NELL2: variants seen among roughly 807,000 people sequenced by gnomAD.
NELL2 encodes the protein neural EGFL like 2.
A neutral mutation model predicts 109.6 loss-of-function variants in NELL2; 41 were observed. The observed-to-expected ratio is 0.37, with a 90% confidence interval of 0.29 to 0.49. The LOEUF (loss-of-function observed/expected upper bound fraction) is 0.49, where lower values mean the gene tolerates loss of function less well. Ranked by LOEUF, NELL2 falls within the 20% of genes least tolerant of loss-of-function variation. NELL2 has a pLI of 0.98. For missense variants in NELL2, 900 were observed against 1,008.3 expected (o/e 0.89, Z 1.45); for synonymous variants, 355 against 344.7 (o/e 1.03, Z -0.33).
At chr12:44,753,619 A>G (rs1006868325) in intron 9 of NELL2, among the ~76,000 whole-genome samples, 6 of 152,186 alleles carry the variant, frequency 3.9e-5, no homozygotes, top group Non-Finnish European at 8.8e-5. Context: ...TATTTTTAAT[A>G]CTTTGTTTCA....
chr12:44,867,503 A>G (rs1945035024), intron 2 of NELL2, among the ~76,000 whole-genome samples: 2 of 152,240 alleles, frequency 1.3e-5, no homozygotes, highest in African/African-American at 4.8e-5. Flanking sequence ...AGATATAACA[A>G]ATCTACAGCT....
At chr12:44,704,603 C>T (rs1937752831) in intron 11 of NELL2, among the ~76,000 whole-genome samples, 1 of 152,122 alleles carries the variant, frequency 6.6e-6, no homozygotes, top group African/African-American at 2.4e-5. Context: ...ATCTTCAAAA[C>T]TGGAATCTAT....
intron 1 of NELL2, among the ~76,000 whole-genome samples, chr12:44,897,934 G>C (rs1372652604): frequency 6.6e-6 from 1 of 152,172 alleles, no homozygotes; most frequent in African/African-American, 2.4e-5. Flanking sequence ...GGTGTGGGGA[G>C]GGGCATCCGC....
intron 9 of NELL2, among the ~76,000 whole-genome samples, chr12:44,715,391 T>C (rs1938431649): frequency 1.3e-5 from 2 of 151,378 alleles, no homozygotes; most frequent in African/African-American, 4.9e-5. Context: ...TCCATAAAAA[T>C]GCATAGAGTA....
chr12:44,542,866 G>T (rs1200467629), intron 15 of NELL2, among the ~76,000 whole-genome samples: 1 of 152,144 alleles, frequency 6.6e-6, no homozygotes, highest in Non-Finnish European at 1.5e-5. Context: ...AGTTATGTAG[G>T]TGTACACTGG....
chr12:44,644,854 T>C (rs1947033442), intron 13 of NELL2, among the ~76,000 whole-genome samples: 1 of 151,632 alleles, frequency 6.6e-6, no homozygotes, highest in South Asian at 2.1e-4. Context: ...GACATTATCC[T>C]TGTTTTGTGG....
intron 3 of NELL2, among the ~76,000 whole-genome samples, chr12:44,796,753 T>A (rs936302150): frequency 3.3e-5 from 5 of 152,174 alleles, no homozygotes; most frequent in African/African-American, 4.8e-5. Flanking sequence ...CAAAATTGTA[T>A]CACCAAGAGA....
At chr12:44,616,477 G>A (rs571932846) in intron 13 of NELL2, among the ~76,000 whole-genome samples, 21 of 152,124 alleles carry the variant, frequency 1.4e-4, no homozygotes, top group South Asian at 1.2e-3. Flanking sequence ...ACCTCTAGTC[G>A]TAACTATCAT....
intron 2 of NELL2, among the ~76,000 whole-genome samples, chr12:44,865,468 G>A (rs1348129019): frequency 1.1e-5 from 1 of 94,156 alleles, no homozygotes; most frequent in Non-Finnish European, 2.2e-5. Flanking sequence ...ATACACCATG[G>A]AATACTATGC....
intron 15 of NELL2, among the ~76,000 whole-genome samples, chr12:44,536,977 ACAAAC>A (rs2094273232): frequency 6.6e-6 from 1 of 151,576 alleles, no homozygotes; most frequent in Non-Finnish European, 1.5e-5. Context: ...ATCATTAAAA[ACAAAC>A]CAACAGGCAA....
At chr12:44,844,270 G>A (rs1944308268) in intron 2 of NELL2, among the ~76,000 whole-genome samples, 2 of 152,072 alleles carry the variant, frequency 1.3e-5, no homozygotes, top group Non-Finnish European at 2.9e-5. Context: ...TCAAACAATA[G>A]CAAATTGGAA....
intron 2 of NELL2, among the ~76,000 whole-genome samples, chr12:44,828,840 T>G (rs1404917795): frequency 6.6e-6 from 1 of 152,188 alleles, no homozygotes; most frequent in African/African-American, 2.4e-5. Context: ...TTTCATTCCA[T>G]GCTAGCAAGC....
chr12:44,747,535 T>C (rs1363261237), intron 9 of NELL2, among the ~76,000 whole-genome samples: 3 of 152,132 alleles, frequency 2.0e-5, no homozygotes, highest in Non-Finnish European at 4.4e-5. Context: ...TACATTATCT[T>C]AAGACTTCTG....
At chr12:44,524,463 A>T (rs1941679313) in intron 16 of NELL2, among the ~76,000 whole-genome samples, 1 of 152,224 alleles carries the variant, frequency 6.6e-6, no homozygotes, top group African/African-American at 2.4e-5. Flanking sequence ...AGTGGGTTAG[A>T]GACAAGATGG....
chr12:44,599,774 G>C (rs1434151650), intron 15 of NELL2, among the ~76,000 whole-genome samples: 1 of 151,956 alleles, frequency 6.6e-6, no homozygotes, highest in Non-Finnish European at 1.5e-5. Context: ...TCATACGCAG[G>C]CACAATGCTT....
intron 15 of NELL2, among the ~76,000 whole-genome samples, chr12:44,544,497 A>T (rs1336223669): frequency 6.6e-6 from 1 of 152,110 alleles, no homozygotes; most frequent in Admixed American, 6.6e-5. Context: ...ATAGTCCCTC[A>T]GGTAATTTTC....
chr12:44,713,301 T>C (rs565459958), intron 10 of NELL2, among the ~76,000 whole-genome samples: 15 of 151,720 alleles, frequency 9.9e-5, no homozygotes, highest in East Asian at 1.9e-4. Flanking sequence ...GATTTTTAAA[T>C]TTAGAACCAA....
intron 12 of NELL2, among the ~76,000 whole-genome samples, chr12:44,671,685 G>A (rs1948143578): frequency 6.6e-6 from 1 of 152,042 alleles, no homozygotes; most frequent in Admixed American, 6.6e-5. Context: ...TAAATTCCTG[G>A]ACACATACAA....
At chr12:44,677,751 C>A (rs1228432189) in intron 12 of NELL2, among the ~76,000 whole-genome samples, 1 of 152,034 alleles carries the variant, frequency 6.6e-6, no homozygotes, top group East Asian at 1.9e-4. Flanking sequence ...CTGGCACTGA[C>A]TGGATGTCTG....
Sources: allele counts gnomAD v4.1 joint callset (sites outside exome capture counted in the v4.1 genomes callset), GRCh38; gene constraint gnomAD v4.1.1; transcripts MANE v1.5; gene names NCBI Gene and HGNC (gene_info 2026-07-23, HGNC 2026-07-21).